The following AMOTL1 variants were observed in gnomAD, a reference collection of about 807,000 sequenced individuals.
AMOTL1 encodes angiomotin-like protein 1.
In AMOTL1, 45 loss-of-function variants were observed where a neutral mutation model predicts 102.9. That is an observed-to-expected ratio of 0.44 (90% CI 0.34 to 0.56). The LOEUF is 0.56. Among genes scored for constraint, AMOTL1 ranks in the 20% least tolerant of loss-of-function variants. The probability of loss-of-function intolerance (pLI) is 0.01; values close to 1 mark genes in which losing one functional copy is unlikely to be tolerated. For synonymous variants in AMOTL1, 481 were observed against 484.7 expected, an observed-to-expected ratio of 0.99 and a Z score of 0.10; for missense variants, 1,114 against 1,225.6, an observed-to-expected ratio of 0.91 and a Z score of 1.36.
intron 8 of AMOTL1, among the ~76,000 whole-genome samples, chr11:94,858,944 G>A (rs948449411): frequency 4.6e-5 from 7 of 152,184 alleles, no homozygotes; most frequent in Non-Finnish European, 1.0e-4. Context: ...GCTTTCATAT[G>A]CATTATCTAG....
At chr11:94,819,585 G>A (rs1361167121) in intron 3 of AMOTL1, among the ~76,000 whole-genome samples, 7 of 152,140 alleles carry the variant, frequency 4.6e-5, no homozygotes, top group Admixed American at 4.6e-4. Context: ...TGACCTAGAA[G>A]CCCCTTCCCC....
intron 2 of AMOTL1, among the ~76,000 whole-genome samples, chr11:94,798,339 T>C (rs1266423094): frequency 1.3e-5 from 2 of 152,100 alleles, no homozygotes; most frequent in Non-Finnish European, 2.9e-5. Context: ...AACTTGGAGA[T>C]TGGCACGGGA....
chr11:94,774,253 GAGAT>G (rs1315574685), intron 1 of AMOTL1, among the ~76,000 whole-genome samples: 4 of 152,196 alleles, frequency 2.6e-5, no homozygotes, highest in Admixed American at 1.3e-4. Context: ...CTTAGTGAAT[GAGAT>G]AGAAGCTAGG....
At chr11:94,708,827 G>T (rs1949973602) in intron 1 of AMOTL1, among the ~76,000 whole-genome samples, 1 of 152,156 alleles carries the variant, frequency 6.6e-6, no homozygotes, top group Non-Finnish European at 1.5e-5. Flanking sequence ...AGCAATCTGT[G>T]ATTGTAATGT....
intron 1 of AMOTL1, among the ~76,000 whole-genome samples, chr11:94,723,669 A>G (rs369592477): frequency 6.6e-5 from 10 of 152,158 alleles, no homozygotes; most frequent in East Asian, 3.9e-4. Flanking sequence ...AGAAGCCTAG[A>G]ATAAGTATCT....
At chr11:94,844,950 A>C (rs1255891640) in intron 6 of AMOTL1, among the ~76,000 whole-genome samples, 2 of 152,180 alleles carry the variant, frequency 1.3e-5, no homozygotes, top group African/African-American at 4.8e-5. Context: ...AAAATCCGTT[A>C]TATCAGAAAG....
chr11:94,750,734 A>G (rs2566901), intron 3 of AMOTL1, among the ~76,000 whole-genome samples: 127,631 of 152,162 alleles, frequency 0.84, 55,899 homozygotes, highest in Non-Finnish European at 0.99. Flanking sequence ...TTGACAGTGG[A>G]AAATTCAATT....
In AMOTL1 at chr11:94,800,117, T is replaced by C; in HGVS notation, c.927T>C (p.Pro309=). The C allele has an allele frequency of 6.2e-7, 1 of 1,613,922 alleles. No individual in the cohort carries two copies. Among genetic ancestry groups the C allele is most frequent in the Non-Finnish European group, 8.5e-7 (1 of 1,179,870 alleles). Residue 309 remains proline, a synonymous_variant, in exon 3 of 13, where the codon CCT becomes CCC. Transcript: ENST00000433060. The part of the protein sequence containing the change: ...PAGKVLDPRG[P]PPEYPFKTKQ... ...GTAAAGTGCTGGACCCTCGGGGTCC[T>C]CCACCTGAGTACCCCTTCAAGACCA...
intron 3 of AMOTL1, chr11:94,820,304 C>T (rs960995842): frequency 2.6e-5 from 4 of 152,464 alleles, no homozygotes; most frequent in South Asian, 2.1e-4. Context: ...GGACTCCACA[C>T]GAGTGTTCCT....
At chr11:94,764,920 G>C (rs993567217), upstream of AMOTL1, among the ~76,000 whole-genome samples, 2 of 152,206 alleles carry the variant, frequency 1.3e-5, no homozygotes, top group Non-Finnish European at 1.5e-5. Flanking sequence ...AGAGGAGGAA[G>C]CTGAGGCTCT....
In AMOTL1 at chr11:94,711,930, A is replaced by G. The variant is rs376987708; in HGVS notation, c.-51+5333A>G. ...TCATGTACAAGTTTTTTGCATGAAC[A>G]TAAATTTTCATTTATTTGGGATAAA... On this transcript the variant is annotated intron_variant, in intron 1 of 4. Transcript: ENST00000299004. 2.0e-4 allele frequency among the ~76,000 whole-genome samples: 31 copies of G among 152,256 alleles called. 1 individual carries two copies. In the South Asian group the frequency reaches 5.8e-3, roughly 28 times the overall value.
At chr11:94,749,839 CT>C (rs1950630641) in intron 3 of AMOTL1, among the ~76,000 whole-genome samples, 3 of 152,330 alleles carry the variant, frequency 2.0e-5, no homozygotes, top group Admixed American at 6.5e-5. Context: ...TCAAAGCTTT[CT>C]GAAAGATTTG....
At chr11:94,827,930 T>C (rs1951997205) in intron 4 of AMOTL1, among the ~76,000 whole-genome samples, 1 of 152,194 alleles carries the variant, frequency 6.6e-6, no homozygotes, top group Non-Finnish European at 1.5e-5. Flanking sequence ...TTGGCGTGAA[T>C]GCTTTTTTGG....
In AMOTL1 at chr11:94,870,803, C is replaced by G. The variant is rs1347748966; in HGVS notation, c.*8C>G. 4 of 1,581,332 alleles carry G rather than the reference C, an allele frequency of 2.5e-6. No individual in the cohort carries two copies. The South Asian group carries it at 3.5e-5, about 14-fold the overall frequency. The stretch of plus-strand genomic sequence containing the variant: ...ATGGAAGTCCTCATCTAACTGCCAT[C>G]CCTGTGGAATTTCAGTACAGAACAC... On this transcript the variant is annotated 3_prime_UTR_variant, in exon 13 of 13. Transcript: ENST00000433060.
At chr11:94,732,799 T>C (rs1191609085) in intron 2 of AMOTL1, among the ~76,000 whole-genome samples, 2 of 152,196 alleles carry the variant, frequency 1.3e-5, no homozygotes, top group African/African-American at 4.8e-5. Context: ...AGCTCCTCTT[T>C]AGGGGAGAGG....
At chr11:94,751,229 A>T (rs116265707) in intron 3 of AMOTL1, among the ~76,000 whole-genome samples, 3,520 of 151,868 alleles carry the variant, frequency 0.023, 47 homozygotes, top group African/African-American at 0.041. Context: ...ATATATATAT[A>T]TTTTTTTTAT....
In AMOTL1 at chr11:94,866,214, A is replaced by G. The variant is rs764113275; in HGVS notation, c.2488+46A>G. On this transcript the variant is annotated intron_variant, in intron 11 of 12. Transcript: ENST00000433060. ...AGACCATGATTGGAAAAGCAAGACCAGACAGCTTCTCTGCCACTCATGGGA... is the reference window on the plus strand; with the variant it reads ...AGACCATGATTGGAAAAGCAAGACCGGACAGCTTCTCTGCCACTCATGGGA... 11 of 1,575,040 alleles carry G rather than the reference A, an allele frequency of 7.0e-6. No homozygotes were observed. The South Asian group carries it at 1.1e-4, about 16-fold the overall frequency.
At chr11:94,735,641 C>T (rs2851578) in intron 2 of AMOTL1, among the ~76,000 whole-genome samples, 145,872 of 152,264 alleles carry the variant, frequency 0.96, 70,176 homozygotes, top group East Asian at 1. Flanking sequence ...TGCCTTTAAT[C>T]TGGAATCCAT....
intron 1 of AMOTL1, among the ~76,000 whole-genome samples, chr11:94,725,464 A>G (rs1950242311): frequency 6.6e-6 from 1 of 152,198 alleles, no homozygotes; most frequent in Admixed American, 6.5e-5. Flanking sequence ...CAGCAAATCT[A>G]TATTAAGTGC....
Sources: allele counts gnomAD v4.1 joint callset (sites outside exome capture counted in the v4.1 genomes callset), GRCh38; gene constraint gnomAD v4.1.1; transcripts MANE v1.5; gene names NCBI Gene and HGNC (gene_info 2026-07-23, HGNC 2026-07-21).